The following CENPP variants were observed in gnomAD, a reference collection of about 807,000 sequenced individuals.
CENPP encodes centromere protein P.
Under a neutral mutation model 35.6 loss-of-function variants are expected in CENPP, and 24 were observed. That is an observed-to-expected ratio of 0.67 (90% CI 0.49 to 0.95). CENPP has a LOEUF of 0.95. Ranked by LOEUF, CENPP falls within the 40% of genes least tolerant of loss-of-function variation. The pLI, the probability that CENPP is intolerant of heterozygous loss-of-function variation, is 0.00. For missense variants in CENPP, 332 were observed against 345.3 expected (o/e 0.96, Z 0.31); for synonymous variants, 120 against 125.5 (o/e 0.96, Z 0.29).
intron 5 of CENPP, among the ~76,000 whole-genome samples, chr9:92,468,283 G>A (rs961486343): frequency 2.0e-5 from 3 of 152,312 alleles, no homozygotes; most frequent in African/African-American, 4.8e-5. Context: ...TAAGAGCCGC[G>A]CCACATGGTG....
rs577751794 is a variant in CENPP, at chr9:92,597,422, A to T, written c.565-13892A>T. Among the ~76,000 whole-genome samples, 406 of 152,318 alleles carry T rather than the reference A, an allele frequency of 2.7e-3. 1 individual carries two copies. Among genetic ancestry groups the T allele is most frequent in the African/African-American group, 9.5e-3 (395 of 41,574 alleles). On this transcript the variant is annotated intron_variant, in intron 5 of 7. Transcript: ENST00000375587. ...TATTCTGTGAAAAAGTTTAAATGGG[A>T]TCATAACTTTAAATTATAATTAGTT...
At chr9:92,592,279 G>T (rs1317942834) in intron 5 of CENPP, among the ~76,000 whole-genome samples, 2 of 152,108 alleles carry the variant, frequency 1.3e-5, no homozygotes, top group Non-Finnish European at 2.9e-5. Context: ...AGAGCATGAA[G>T]CCCCTTCACT....
chr9:92,436,120 A>G (rs1844239848), intron 5 of CENPP, among the ~76,000 whole-genome samples: 1 of 152,202 alleles, frequency 6.6e-6, no homozygotes, highest in African/African-American at 2.4e-5. Context: ...ATGTAGTGAT[A>G]TATTACTGTA....
intron 5 of CENPP, among the ~76,000 whole-genome samples, chr9:92,578,982 G>A (rs1209499955): frequency 3.3e-5 from 5 of 152,024 alleles, no homozygotes; most frequent in Admixed American, 2.0e-4. Flanking sequence ...TTTGTATAAG[G>A]TGTAAGGAAG....
At chr9:92,505,799 A>C in intron 5 of CENPP, 1 of 904,488 alleles carries the variant, frequency 1.1e-6, no homozygotes. Flanking sequence ...GAGGGCAAAT[A>C]CAGTTTTTTT....
Position 92,547,959 on chromosome 9 carries a change from T to C in CENPP, c.565-63355T>C, listed in dbSNP as rs112832290. Reference sequence around the variant, plus strand: ...AAACAGTTTTTCCTTCATTTTCTTATGGGAAAAAAGAAGTAAAGGAAGGAA... The same window carrying C: ...AAACAGTTTTTCCTTCATTTTCTTACGGGAAAAAAGAAGTAAAGGAAGGAA... On this transcript the variant is annotated intron_variant, in intron 5 of 7. Transcript: ENST00000375587. Among the ~76,000 whole-genome samples the C allele has an allele frequency of 2.5e-4, 38 of 152,244 alleles. 1 individual carries two copies. The highest frequency in any genetic ancestry group is 8.4e-4 in the African/African-American group (35 of 41,528).
chr9:92,461,850 A>G (rs1006487172), intron 5 of CENPP, among the ~76,000 whole-genome samples: 1 of 152,240 alleles, frequency 6.6e-6, no homozygotes, highest in Non-Finnish European at 1.5e-5. Context: ...TCATTCAAGT[A>G]ATGAATTCAT....
intron 5 of CENPP, among the ~76,000 whole-genome samples, chr9:92,526,188 C>G (rs1373384443): frequency 2.0e-5 from 3 of 151,862 alleles, no homozygotes; most frequent in Admixed American, 2.0e-4. Flanking sequence ...TGATCCAGAC[C>G]CAATGAAGGC....
intron 5 of CENPP, among the ~76,000 whole-genome samples, chr9:92,475,701 C>T (rs1400296822): frequency 6.6e-6 from 1 of 152,184 alleles, no homozygotes; most frequent in Non-Finnish European, 1.5e-5. Flanking sequence ...CTTTCCCAAC[C>T]TCACTCTCAT....
At chr9:92,551,933 A>G (rs746261480) in intron 5 of CENPP, among the ~76,000 whole-genome samples, 3,620 of 94,284 alleles carry the variant, frequency 0.038, 332 homozygotes, top group Middle Eastern at 0.076. Flanking sequence ...GTGTATATAT[A>G]TATATATATA....
chr9:92,338,475 T>G (rs1841002350), intron 3 of CENPP, among the ~76,000 whole-genome samples: 1 of 152,208 alleles, frequency 6.6e-6, no homozygotes, highest in Non-Finnish European at 1.5e-5. Context: ...ATACTTTAAA[T>G]CATTTCTAGA....
chr9:92,344,639 C>T lies in CENPP; in HGVS notation c.379-1060C>T, dbSNP rs540659904. Among the ~76,000 whole-genome samples, 10 of 152,012 alleles carry T rather than the reference C, an allele frequency of 6.6e-5. No homozygotes were observed. In the South Asian group the frequency reaches 2.1e-3, roughly 32 times the overall value. ...CTTGGCTCGCTGCAACCTCTGCCTC[C>T]TGTGCTCAAGCGATTCTCCTGCCTC... On this transcript the variant is annotated intron_variant, in intron 3 of 7. Coordinates refer to ENST00000375587, the MANE Select transcript of CENPP (RefSeq NM_001012267.3).
chr9:92,598,720 A>C (rs1317459734), intron 5 of CENPP, among the ~76,000 whole-genome samples: 2 of 151,376 alleles, frequency 1.3e-5, no homozygotes, highest in Non-Finnish European at 2.9e-5. Context: ...TTAAATATTC[A>C]GTTATAAAAC....
At position 92,616,262 on chromosome 9, in the gene CENPP, G is replaced by C; in HGVS notation, c.*3113G>C. ...CAAAGAGCACTCGTTCTGTGCACCT[G>C]TGATCTGTGCGTGTGACAGCTGTCT... On this transcript the variant is annotated 3_prime_UTR_variant, in exon 8 of 8. Transcript: ENST00000375587. The C allele has an allele frequency of 1.9e-6, 1 of 526,100 alleles. No homozygotes were observed. The highest frequency in any genetic ancestry group is 3.4e-6 in the Non-Finnish European group (1 of 291,138). The allele number at this position is 526,100 out of a possible 1,614,324, so 32.6% of individuals were successfully genotyped here.
chr9:92,505,571 A>G, intron 5 of CENPP: 3 of 1,607,038 alleles, frequency 1.9e-6, no homozygotes, highest in Non-Finnish European at 1.7e-6. Flanking sequence ...ATAATTCTAA[A>G]TTTATTTTTT....
intron 5 of CENPP, among the ~76,000 whole-genome samples, chr9:92,462,885 G>C (rs992545597): frequency 6.6e-6 from 1 of 152,186 alleles, no homozygotes. Context: ...AAAAATAGCT[G>C]GTGCAACGTG....
chr9:92,440,470 A>G (rs1463686039), intron 5 of CENPP, among the ~76,000 whole-genome samples: 1 of 152,180 alleles, frequency 6.6e-6, no homozygotes, highest in African/African-American at 2.4e-5. Flanking sequence ...ACAGTGGGCC[A>G]TGGCTGTGGG....
intron 5 of CENPP, among the ~76,000 whole-genome samples, chr9:92,483,278 G>C (rs575088533): frequency 9.9e-5 from 15 of 151,712 alleles, no homozygotes; most frequent in African/African-American, 2.9e-4. Flanking sequence ...ACCCAGGCTG[G>C]AGTGCGGTGG....
chr9:92,591,462 T>C (rs1329000729), intron 5 of CENPP, among the ~76,000 whole-genome samples: 1 of 149,574 alleles, frequency 6.7e-6, no homozygotes, highest in Non-Finnish European at 1.5e-5. Context: ...GAAAAAAAAA[T>C]CCAAACCATA....
Sources: gnomAD v4.1 joint callset for allele counts (sites outside exome capture counted in the v4.1 genomes callset) on GRCh38, gnomAD v4.1.1 for gene constraint, MANE v1.5 for transcripts, NCBI Gene and HGNC (gene_info 2026-07-23, HGNC 2026-07-21) for gene names.